The following SLIT1 variants were observed in gnomAD, a reference collection of about 807,000 sequenced individuals.
SLIT1 encodes slit guidance ligand 1.
A neutral mutation model predicts 186.1 loss-of-function variants in SLIT1; 66 were observed. The observed-to-expected ratio is 0.35, with a 90% CI of 0.29 to 0.44. The LOEUF (loss-of-function observed/expected upper bound fraction) is 0.44. Among genes scored for constraint, SLIT1 ranks in the 20% least tolerant of loss-of-function variants. SLIT1 has a pLI of 1.00. For missense variants in SLIT1, 1,638 were observed against 2,037.4 expected (o/e 0.80, Z 3.77); for synonymous variants, 761 against 833.8 (o/e 0.91, Z 1.50).
At position 97,185,567 on chromosome 10, in the gene SLIT1, G is replaced by C. The variant is rs780936116; in HGVS notation, c.108C>G (p.Ala36=). Residue 36 remains alanine (A), a synonymous_variant, in exon 1 of 37, where the codon GCC becomes GCG. Transcript: ENST00000266058. ...AWRLGASACP[A]LCTCTGTTVD... is the part of the protein sequence containing the mutation. ...CCGTGGTTCCGGTGCAGGTGCAGAGGGCGGGGCACGCCGAGGCACCCAGGC... is the reference window on the plus strand; with the variant it reads ...CCGTGGTTCCGGTGCAGGTGCAGAGCGCGGGGCACGCCGAGGCACCCAGGC... 2 of 1,609,116 alleles carry C rather than the reference G, an allele frequency of 1.2e-6. No homozygotes were observed. Among genetic ancestry groups the C allele is most frequent in the South Asian group, 2.2e-5 (2 of 90,478 alleles).
intron 1 of SLIT1, among the ~76,000 whole-genome samples, chr10:97,174,289 T>C (rs1850228861): frequency 6.6e-6 from 1 of 152,190 alleles, no homozygotes; most frequent in South Asian, 2.1e-4. Context: ...ACCTGGCACA[T>C]AGTAGGTGCT....
intron 4 of SLIT1, among the ~76,000 whole-genome samples, chr10:97,142,557 T>C (rs1849777334): frequency 6.6e-6 from 1 of 152,226 alleles, no homozygotes; most frequent in Admixed American, 6.5e-5. Context: ...GACATTGGAC[T>C]TGGCAGTACT....
intron 23 of SLIT1, among the ~76,000 whole-genome samples, chr10:97,033,278 G>T (rs893398868): frequency 2.0e-5 from 3 of 152,146 alleles, no homozygotes; most frequent in South Asian, 2.1e-4. Flanking sequence ...CTGGGTCAGG[G>T]CCCCTTCCTT....
At chr10:97,077,020 C>T (rs35181240) in intron 4 of SLIT1, among the ~76,000 whole-genome samples, 5,704 of 152,206 alleles carry the variant, frequency 0.037, 153 homozygotes, top group Non-Finnish European at 0.051. Flanking sequence ...AATTTCAGCA[C>T]TTTGGCAGGC....
At chr10:97,030,714 T>C (rs960974229) in intron 25 of SLIT1, 43 bp downstream of exon 25, 5 of 1,507,314 alleles carry the variant, frequency 3.3e-6, no homozygotes, top group East Asian at 2.3e-5. Context: ...CCAAGTCCTG[T>C]TGAAATCCAA....
intron 3 of SLIT1, among the ~76,000 whole-genome samples, chr10:97,161,501 G>T (rs1464222074): frequency 6.6e-6 from 1 of 152,178 alleles, no homozygotes; most frequent in Non-Finnish European, 1.5e-5. Context: ...AAAGAGCCAG[G>T]CATGGTGGCT....
At position 97,046,717 on chromosome 10, in the gene SLIT1, G is replaced by A. The variant is rs1377578476; in HGVS notation, c.1790C>T (p.Thr597Ile). The change falls in exon 18 of 37, where the codon ACT becomes ATT. Residue 597 changes from threonine to isoleucine, a missense_variant. Physicochemically the swap from Thr to Ile is moderately conservative, Grantham distance 89. Around this residue, in one of 3 missense-constraint regions of SLIT1, gnomAD observed 1,245 missense variants for 1,535.3 expected, o/e 0.81. Transcript: ENST00000266058. ...GAASVSELHL[T>I]ANQLESIRSG... ...CCGGATGGACTCCAGCTGGTTGGCA[G>A]TTAGGTGCAGCTCGCTCACAGAGGC... 2 of 1,612,406 alleles carry A rather than the reference G, an allele frequency of 1.2e-6. No homozygotes were observed. Among genetic ancestry groups the A allele is most frequent in the South Asian group, 1.1e-5 (1 of 91,084 alleles).
intron 4 of SLIT1, among the ~76,000 whole-genome samples, chr10:97,072,315 T>G (rs553911197): frequency 2.6e-4 from 39 of 152,328 alleles, no homozygotes; most frequent in Admixed American, 2.6e-4. Context: ...CATGCTACCA[T>G]GCCTGGCTAA....
At chr10:97,058,112 T>G in intron 11 of SLIT1, 1 of 714,704 alleles carries the variant, frequency 1.4e-6, no homozygotes. Flanking sequence ...GTGGCTGGAA[T>G]GGAGGGAACA....
At chr10:97,150,797 C>A (rs943807700) in intron 4 of SLIT1, among the ~76,000 whole-genome samples, 1 of 152,152 alleles carries the variant, frequency 6.6e-6, no homozygotes, top group African/African-American at 2.4e-5. Flanking sequence ...TGGGCGGACA[C>A]CCTGCTCCCC....
intron 22 of SLIT1, among the ~76,000 whole-genome samples, chr10:97,037,090 G>A (rs1428367971): frequency 1.4e-5 from 2 of 148,030 alleles, no homozygotes; most frequent in Admixed American, 6.7e-5. Flanking sequence ...GTGTGTGTGT[G>A]TGTGTGTGTA....
intron 7 of SLIT1, 30 bp downstream of exon 7, chr10:97,064,138 C>A: frequency 3.1e-6 from 5 of 1,588,540 alleles, no homozygotes; most frequent in Non-Finnish European, 4.3e-6. Context: ...GGCTTGGCTG[C>A]CCCGCTCCCA....
chr10:97,052,293 T>A (rs1839738713), intron 13 of SLIT1, among the ~76,000 whole-genome samples: 1 of 151,990 alleles, frequency 6.6e-6, no homozygotes, highest in Non-Finnish European at 1.5e-5. Context: ...GAGGTGGGGA[T>A]CTCACTATGT....
At chr10:97,158,880 AAG>A (rs1462960053) in intron 3 of SLIT1, among the ~76,000 whole-genome samples, 1 of 145,750 alleles carries the variant, frequency 6.9e-6, no homozygotes, top group Non-Finnish European at 1.5e-5. Flanking sequence ...TGTCTCAGAG[AAG>A]AAAAAAAAAG....
chr10:97,019,183 G>A (rs1020461719), intron 26 of SLIT1, 76 bp from the exon 27 acceptor site: 4 of 945,638 alleles, frequency 4.2e-6, no homozygotes, highest in Admixed American at 3.8e-5. Context: ...CCTCAACCCC[G>A]AGGAGCCCAT....
At chr10:97,027,242 T>C (rs1848553959) in intron 25 of SLIT1, among the ~76,000 whole-genome samples, 2 of 152,262 alleles carry the variant, frequency 1.3e-5, no homozygotes, top group Admixed American at 1.3e-4. Context: ...AGTGGGTCTA[T>C]GTCATCCTTT....
In SLIT1 at chr10:97,010,374, A is replaced by G. The variant is rs929043538; in HGVS notation, c.3341+619T>C. On this transcript the variant is annotated intron_variant, in intron 31 of 36. Coordinates refer to ENST00000266058, the MANE Select transcript of SLIT1 (RefSeq NM_003061.3). This position sits in a 1 kb window ranked among gnomAD's most constrained non-coding sequence, Gnocchi z 4.8. ...AGAACAGGCAAATTTATAGACACAAATATTAGGAGATTAGTAGTTGCCTGG... is the reference window on the plus strand; with the variant it reads ...AGAACAGGCAAATTTATAGACACAAGTATTAGGAGATTAGTAGTTGCCTGG... Among the ~76,000 whole-genome samples the G allele has an allele frequency of 1.3e-5, 2 of 152,208 alleles. No individual in the cohort carries two copies. Among genetic ancestry groups the G allele is most frequent in the Admixed American group, 6.5e-5 (1 of 15,280 alleles).
At chr10:97,057,952 C>T (rs1035237988) in intron 11 of SLIT1, 11 of 716,906 alleles carry the variant, frequency 1.5e-5, no homozygotes, top group East Asian at 5.4e-5. Flanking sequence ...AAGCTACCCT[C>T]GTAAACGTTC....
chr10:97,151,009 A>G lies in SLIT1; in HGVS notation c.413+6809T>C, dbSNP rs543445644. Among the ~76,000 whole-genome samples, 5 of 148,650 alleles carry G rather than the reference A, an allele frequency of 3.4e-5. No homozygotes were observed. In the South Asian group the frequency reaches 1.1e-3, roughly 33 times the overall value. ...CAGGGTATACCTGCCCCCCCGCCGG[A>G]AGGAGATATAGGTCCAGCCAGTGCA... On this transcript the variant is annotated intron_variant, in intron 4 of 36. Coordinates refer to ENST00000266058, the MANE Select transcript of SLIT1 (RefSeq NM_003061.3).
Sources: gnomAD v4.1 joint callset for allele counts (sites outside exome capture counted in the v4.1 genomes callset) on GRCh38, gnomAD v4.1.1 for gene constraint, gnomAD v4.1.1 regional missense constraint, Gnocchi (gnomAD v3.1) non-coding constraint, MANE v1.5 for transcripts, NCBI Gene and HGNC (gene_info 2026-07-23, HGNC 2026-07-21) for gene names.